Variants in CYTH3 observed in about 807,000 individuals in gnomAD.
CYTH3 encodes the protein cytohesin 3.
In CYTH3, 23 loss-of-function variants were observed where a neutral mutation model predicts 55.1. The ratio of observed to expected loss-of-function variants is 0.42; its 90% CI spans 0.30 to 0.59. The LOEUF (loss-of-function observed/expected upper bound fraction) is 0.59. Among genes scored for constraint, CYTH3 ranks in the 20% least tolerant of loss-of-function variants. The pLI is 0.20. For synonymous variants in CYTH3, 249 were observed against 194.9 expected, an observed-to-expected ratio of 1.28 and a Z score of -2.31; for missense variants, 413 against 524.8, an observed-to-expected ratio of 0.79 and a Z score of 2.08.
rs532040356 is a variant in CYTH3 at position 6,250,055 on chromosome 7, T to C, written c.34+22419A>G. ...CTCTTCCCTGTCATTTGTCGAGATT[T>C]TGGGGTGAACAGGGGATGGAAATTT... On this transcript the variant is annotated intron_variant, in intron 1 of 12. Transcript: ENST00000350796. Among the ~76,000 whole-genome samples, 12 of 152,190 alleles carry C rather than the reference T, an allele frequency of 7.9e-5. 1 individual carries two copies. The highest frequency in any genetic ancestry group is 6.5e-5 in the Admixed American group (1 of 15,280).
At chr7:6,166,241 C>T (rs948206803) in intron 9 of CYTH3, among the ~76,000 whole-genome samples, 7 of 152,218 alleles carry the variant, frequency 4.6e-5, no homozygotes, top group African/African-American at 1.7e-4. Flanking sequence ...CCCAAGGAAT[C>T]GTGAGACTGA....
intron 9 of CYTH3, among the ~76,000 whole-genome samples, chr7:6,168,526 A>G (rs1783077214): frequency 1.3e-5 from 2 of 152,232 alleles, no homozygotes; most frequent in East Asian, 3.9e-4. Flanking sequence ...CACAGCAGAC[A>G]TACAGGGTGC....
At chr7:6,257,229 T>A (rs1780152489) in intron 1 of CYTH3, among the ~76,000 whole-genome samples, 2 of 152,162 alleles carry the variant, frequency 1.3e-5, no homozygotes, top group African/African-American at 4.8e-5. Flanking sequence ...GCCTGGGAAA[T>A]ACAGCCTCAT....
At chr7:6,246,681 C>G (rs1364398233) in intron 1 of CYTH3, among the ~76,000 whole-genome samples, 1 of 151,596 alleles carries the variant, frequency 6.6e-6, no homozygotes, top group East Asian at 1.9e-4. Flanking sequence ...TGCCCCACCC[C>G]CACCTACTTC....
intron 1 of CYTH3, among the ~76,000 whole-genome samples, chr7:6,231,559 C>A (rs1779391721): frequency 6.6e-6 from 1 of 152,212 alleles, no homozygotes; most frequent in South Asian, 2.1e-4. Flanking sequence ...CACACACATT[C>A]AGCACACTGG....
intron 4 of CYTH3, 55 bp downstream of exon 4, chr7:6,186,995 T>C: frequency 6.4e-7 from 1 of 1,567,266 alleles, no homozygotes; most frequent in Admixed American, 1.7e-5. Context: ...GAAACGGCAG[T>C]TCAAATCAAT....
intron 9 of CYTH3, among the ~76,000 whole-genome samples, chr7:6,168,330 G>A (rs916383990): frequency 7.4e-4 from 112 of 150,738 alleles, no homozygotes; most frequent in African/African-American, 2.7e-3. Context: ...CTCTGGCAAA[G>A]CATCCAGGCC....
chr7:6,190,895 G>A (rs147309965), intron 1 of CYTH3, among the ~76,000 whole-genome samples: 316 of 151,756 alleles, frequency 2.1e-3, no homozygotes, highest in African/African-American at 7.3e-3. Flanking sequence ...TGGCCAACAC[G>A]GTGAAACCCC....
At chr7:6,255,537 C>T (rs967093211) in intron 1 of CYTH3, among the ~76,000 whole-genome samples, 1 of 152,020 alleles carries the variant, frequency 6.6e-6, no homozygotes, top group Non-Finnish European at 1.5e-5. Flanking sequence ...CAGAGTCGGC[C>T]GTGAAGAAGC....
chr7:6,224,998 T>A (rs955415091), intron 1 of CYTH3, among the ~76,000 whole-genome samples: 1 of 152,148 alleles, frequency 6.6e-6, no homozygotes. Flanking sequence ...AAAGGGCAAA[T>A]CTATAGAGAC....
intron 4 of CYTH3, among the ~76,000 whole-genome samples, chr7:6,184,205 C>T (rs563784283): frequency 6.6e-5 from 10 of 151,898 alleles, no homozygotes; most frequent in South Asian, 2.1e-4. Context: ...GGACTACAGG[C>T]GCCCGTCACC....
chr7:6,165,782 C>G lies in CYTH3; in HGVS notation c.852G>C (p.Arg284=). ...GGCAGTTATCGGTCAGGATGAACCA[C>G]CGGCGCTTCCAGGTCTTCACACGCC... ...LGGRVKTWKR[R]WFILTDNCLY... The change falls in exon 10 of 13, where the codon CGG becomes CGC. Residue 284 remains arginine, a synonymous_variant. Transcript: ENST00000350796. 1.2e-6 allele frequency: 2 copies of G among 1,614,138 alleles called. No individual in the cohort carries two copies. Among genetic ancestry groups the G allele is most frequent in the Non-Finnish European group, 1.7e-6 (2 of 1,180,012 alleles).
chr7:6,168,214 C>T (rs1206947757), intron 9 of CYTH3, among the ~76,000 whole-genome samples: 1 of 148,264 alleles, frequency 6.7e-6, no homozygotes, highest in Non-Finnish European at 1.5e-5. Flanking sequence ...GGGCCACCTC[C>T]TAGGATTTTT....
intron 1 of CYTH3, among the ~76,000 whole-genome samples, chr7:6,207,086 CTTTTTTT>C (rs58910123): frequency 6.7e-5 from 7 of 104,090 alleles, no homozygotes; most frequent in South Asian, 3.8e-4. Context: ...AAATGTGCAA[CTTTTTTT>C]TTTTTTTTTT....
At chr7:6,224,454 G>C (rs1307464389) in intron 1 of CYTH3, among the ~76,000 whole-genome samples, 1 of 152,092 alleles carries the variant, frequency 6.6e-6, no homozygotes, top group Admixed American at 6.5e-5. Flanking sequence ...AAAAGAATGA[G>C]GGTCTAGACC....
At chr7:6,205,339 A>G (rs993425046) in intron 1 of CYTH3, among the ~76,000 whole-genome samples, 1 of 152,180 alleles carries the variant, frequency 6.6e-6, no homozygotes, top group Non-Finnish European at 1.5e-5. Context: ...TTGGGAGTCC[A>G]AGGTGGGCAG....
In CYTH3 at chr7:6,179,588, ACACACACACACACACCACACAC is replaced by A. The variant is rs1358289081; in HGVS notation, c.250-1669_250-1648del. On this transcript the variant is annotated intron_variant, in intron 4 of 12. Coordinates refer to ENST00000350796, the MANE Select transcript of CYTH3 (RefSeq NM_004227.4). ...GGGCACCATCTAAATTACAAGACAG[ACACACACACACACACCACACAC>A]CACACACACACACCCCCCACATACA... Among the ~76,000 whole-genome samples the A allele has an allele frequency of 5.2e-5, 7 of 135,430 alleles. No individual in the cohort carries two copies. The South Asian group carries it at 9.0e-4, about 17-fold the overall frequency. The allele number at this position is 135,430 out of a possible 152,430, so 88.8% of individuals were successfully genotyped here.
At chr7:6,166,316 T>G (rs1402382668) in intron 9 of CYTH3, among the ~76,000 whole-genome samples, 1 of 152,218 alleles carries the variant, frequency 6.6e-6, no homozygotes, top group African/African-American at 2.4e-5. Flanking sequence ...GTACCTGCCC[T>G]CCTCTCCCTA....
At chr7:6,183,034 GCTGGTCT>G (rs1197927373) in intron 4 of CYTH3, among the ~76,000 whole-genome samples, 10 of 152,244 alleles carry the variant, frequency 6.6e-5, no homozygotes, top group Non-Finnish European at 1.2e-4. Context: ...GCAGCCAACG[GCTGGTCT>G]CTGGGAGTGG....
Sources: gnomAD v4.1 joint callset for allele counts (sites outside exome capture counted in the v4.1 genomes callset) on GRCh38, gnomAD v4.1.1 for gene constraint, MANE v1.5 for transcripts, NCBI Gene and HGNC (gene_info 2026-07-23, HGNC 2026-07-21) for gene names.